The following CNTNAP2 variants were observed in gnomAD, a reference collection of about 807,000 sequenced individuals.
CNTNAP2 encodes the protein contactin associated protein 2, also known as contactin-associated protein-like 2.
CNTNAP2 carries 98 observed loss-of-function variants against 155.2 expected under a neutral mutation model. The ratio of observed to expected loss-of-function variants is 0.63; its 90% CI spans 0.54 to 0.75. The LOEUF (loss-of-function observed/expected upper bound fraction) is 0.75, where lower values mean the gene tolerates loss of function less well. Among genes scored for constraint, CNTNAP2 ranks in the 30% least tolerant of loss-of-function variants. The pLI is 0.00. For missense variants in CNTNAP2, 1,727 were observed against 1,688.1 expected, an observed-to-expected ratio of 1.02 and a Z score of -0.40; for synonymous variants, 651 against 631.2, an observed-to-expected ratio of 1.03 and a Z score of -0.47.
chr7:147,378,699 A>G (rs1303819202), intron 9 of CNTNAP2, among the ~76,000 whole-genome samples: 1 of 152,136 alleles, frequency 6.6e-6, no homozygotes, highest in Non-Finnish European at 1.5e-5. Context: ...ATAGTACAAC[A>G]AGGTAACTAA....
intron 1 of CNTNAP2, among the ~76,000 whole-genome samples, chr7:146,655,433 AAG>A (rs1245169205): frequency 6.6e-6 from 1 of 150,672 alleles, no homozygotes; most frequent in African/African-American, 2.4e-5. Flanking sequence ...AAAAAAAAAA[AAG>A]AAAGAAAAAT....
chr7:146,518,146 A>G (rs1218878865), intron 1 of CNTNAP2, among the ~76,000 whole-genome samples: 1 of 151,948 alleles, frequency 6.6e-6, no homozygotes, highest in Non-Finnish European at 1.5e-5. Flanking sequence ...TTAGTATAAT[A>G]TATGAAAAGC....
chr7:146,899,037 T>C (rs1795939136), intron 3 of CNTNAP2, among the ~76,000 whole-genome samples: 1 of 152,204 alleles, frequency 6.6e-6, no homozygotes, highest in South Asian at 2.1e-4. Context: ...CTGGAAACTT[T>C]CTTTTATTCC....
intron 16 of CNTNAP2, among the ~76,000 whole-genome samples, chr7:148,131,087 CTT>C (rs755587892): frequency 3.1e-5 from 3 of 97,182 alleles, no homozygotes; most frequent in African/African-American, 1.3e-4. Flanking sequence ...TTTTCTTCTT[CTT>C]TTTTTTTTTT....
chr7:148,147,767 ATAC>A, intron 17 of CNTNAP2, 58 bp downstream of exon 17: 2 of 1,463,602 alleles, frequency 1.4e-6, no homozygotes, highest in African/African-American at 3.4e-5. Context: ...AGCCTGCACA[ATAC>A]AAAAAAAAAA....
intron 8 of CNTNAP2, among the ~76,000 whole-genome samples, chr7:147,285,149 T>C (rs1357739767): frequency 6.6e-6 from 1 of 151,232 alleles, no homozygotes; most frequent in Admixed American, 6.6e-5. Context: ...AATTTAAGAA[T>C]AATTGTTTCT....
chr7:148,285,486 A>G (rs1310308322), intron 21 of CNTNAP2, among the ~76,000 whole-genome samples: 2 of 152,246 alleles, frequency 1.3e-5, no homozygotes, highest in Non-Finnish European at 2.9e-5. Flanking sequence ...TATTTAACAG[A>G]CTGTCTTTCA....
intron 13 of CNTNAP2, chr7:147,704,349 A>C (rs1440878607): frequency 6.0e-6 from 1 of 167,260 alleles, no homozygotes; most frequent in Non-Finnish European, 1.4e-5. Context: ...CCATGTGTGC[A>C]AAATACTTGC....
intron 1 of CNTNAP2, among the ~76,000 whole-genome samples, chr7:146,482,083 C>CA (rs1190987538): frequency 6.7e-6 from 1 of 150,074 alleles, no homozygotes; most frequent in Non-Finnish European, 1.5e-5. Flanking sequence ...TAAAGAAAAG[C>CA]AAAAAATTGA....
chr7:147,457,939 C>T (rs2116581462), intron 10 of CNTNAP2, among the ~76,000 whole-genome samples: 1 of 152,250 alleles, frequency 6.6e-6, no homozygotes, highest in Admixed American at 6.5e-5. Flanking sequence ...CTCCTCCTGC[C>T]TGTTTCCAGC....
chr7:147,131,659 A>G (rs1801374802), intron 7 of CNTNAP2, among the ~76,000 whole-genome samples: 2 of 152,114 alleles, frequency 1.3e-5, no homozygotes, highest in Admixed American at 6.6e-5. Context: ...ATAATCTCCA[A>G]CAACCACAAT....
At chr7:147,207,440 A>C (rs1223545451) in intron 8 of CNTNAP2, among the ~76,000 whole-genome samples, 1 of 152,124 alleles carries the variant, frequency 6.6e-6, no homozygotes, top group Non-Finnish European at 1.5e-5. Context: ...TATTAATTGG[A>C]TGAAAATGTA....
At chr7:147,634,517 G>A (rs1795144576) in intron 12 of CNTNAP2, among the ~76,000 whole-genome samples, 1 of 151,708 alleles carries the variant, frequency 6.6e-6, no homozygotes, top group South Asian at 2.1e-4. Context: ...TCAGGTGATG[G>A]GTGCACCAAA....
At chr7:147,305,410 G>A (rs1795010417) in intron 9 of CNTNAP2, among the ~76,000 whole-genome samples, 1 of 152,072 alleles carries the variant, frequency 6.6e-6, no homozygotes, top group African/African-American at 2.4e-5. Flanking sequence ...TCTTAGTGAT[G>A]GAATACACTC....
chr7:146,343,827 T>C (rs1794771979), intron 1 of CNTNAP2, among the ~76,000 whole-genome samples: 1 of 152,082 alleles, frequency 6.6e-6, no homozygotes, highest in Non-Finnish European at 1.5e-5. Flanking sequence ...TAGTTTTTAC[T>C]CTTATCTATA....
intron 15 of CNTNAP2, among the ~76,000 whole-genome samples, chr7:147,986,221 T>C (rs529127332): frequency 1.3e-5 from 2 of 152,272 alleles, no homozygotes; most frequent in South Asian, 4.2e-4. Flanking sequence ...ATTCCTGCCC[T>C]GGCCATTAAT....
chr7:146,928,792 C>A (rs191288134), intron 3 of CNTNAP2, among the ~76,000 whole-genome samples: 3 of 152,218 alleles, frequency 2.0e-5, no homozygotes, highest in Non-Finnish European at 4.4e-5. Context: ...ATATCCCGCA[C>A]CTGGCTCGGA....
At chr7:147,503,776 CCA>C (rs1460554419) in intron 11 of CNTNAP2, among the ~76,000 whole-genome samples, 2 of 151,392 alleles carry the variant, frequency 1.3e-5, no homozygotes, top group African/African-American at 4.9e-5. Flanking sequence ...AGTGTTTTAC[CCA>C]CAGTTTTTTC....
At chr7:147,094,464 C>T (rs186231640) in intron 4 of CNTNAP2, among the ~76,000 whole-genome samples, 62 of 149,710 alleles carry the variant, frequency 4.1e-4, no homozygotes, top group African/African-American at 1.4e-3. Context: ...TGCGGTGCCG[C>T]GATCTCGGCT....
Sources: allele counts gnomAD v4.1 joint callset (sites outside exome capture counted in the v4.1 genomes callset), GRCh38; gene constraint gnomAD v4.1.1; transcripts MANE v1.5; gene names NCBI Gene and HGNC (gene_info 2026-07-23, HGNC 2026-07-21).